Variants in ITGA11 observed in about 807,000 individuals in gnomAD.
The protein encoded by ITGA11 is integrin subunit alpha 11, also known as integrin alpha-11.
In ITGA11, 97 loss-of-function variants were observed where a neutral mutation model predicts 141.9. The ratio of observed to expected loss-of-function variants is 0.68; its 90% CI spans 0.58 to 0.81. ITGA11 has a LOEUF of 0.81. ITGA11 is among the 30% of genes least tolerant of loss of function. The pLI, the probability that ITGA11 is intolerant of heterozygous loss-of-function variation, is 0.00. For missense variants in ITGA11, 1,387 were observed against 1,559.2 expected (o/e 0.89, Z 1.86); for synonymous variants, 658 against 624.6 (o/e 1.05, Z -0.80).
In ITGA11 at chr15:68,325,898, G is replaced by A. The variant is rs889708146; in HGVS notation, c.2212-657C>T. Among the ~76,000 whole-genome samples, 1 of 152,216 alleles carries A rather than the reference G, an allele frequency of 6.6e-6. No homozygotes were observed. Among genetic ancestry groups the A allele is most frequent in the Non-Finnish European group, 1.5e-5 (1 of 68,036 alleles). On this transcript the variant is annotated intron_variant, in intron 17 of 29. Coordinates refer to ENST00000315757, the MANE Select transcript of ITGA11 (RefSeq NM_001004439.2). This position sits in a 1 kb window ranked among gnomAD's most constrained non-coding sequence, Gnocchi z 5.5. ...ACCTGAGCTGGCACCAGAGTCCCCT[G>A]GGAGCTTGTTAAAACACAGGGTGCT...
At chr15:68,331,461 G>A (rs1458153324) in intron 14 of ITGA11, among the ~76,000 whole-genome samples, 2 of 152,024 alleles carry the variant, frequency 1.3e-5, no homozygotes, top group East Asian at 1.9e-4. Context: ...GACGGGACCC[G>A]AGACGGGTTG....
chr15:68,418,890 G>A (rs540597034), intron 1 of ITGA11, among the ~76,000 whole-genome samples: 6 of 151,966 alleles, frequency 3.9e-5, no homozygotes, highest in African/African-American at 1.4e-4. Context: ...GAGAGTGTTT[G>A]GGCAAAATAA....
chr15:68,378,465 C>A (rs1348934265), intron 2 of ITGA11, among the ~76,000 whole-genome samples: 1 of 151,978 alleles, frequency 6.6e-6, no homozygotes. Flanking sequence ...GGCAACATAG[C>A]AAGACCCCAT....
Position 68,300,591 on chromosome 15 carries a change from C to T in ITGA11, c.*2468G>A, listed in dbSNP as rs568599132. On this transcript the variant is annotated 3_prime_UTR_variant, in exon 30 of 30. Transcript: ENST00000315757. ...AGGCTCATCTTGGGTATTTATACTTCAGGGTAAATAGATTCAGAAAGGGAA... is the reference window on the plus strand; with the variant it reads ...AGGCTCATCTTGGGTATTTATACTTTAGGGTAAATAGATTCAGAAAGGGAA... The T allele has an allele frequency of 6.6e-6, 1 of 152,326 alleles. No homozygotes were observed. Among genetic ancestry groups the T allele is most frequent in the South Asian group, 2.1e-4 (1 of 4,824 alleles). The allele number at this position is 152,326 out of a possible 1,614,324, so 9.4% of individuals were successfully genotyped here.
chr15:68,315,404 G>C (rs1893537771), intron 22 of ITGA11, among the ~76,000 whole-genome samples: 1 of 152,200 alleles, frequency 6.6e-6, no homozygotes, highest in African/African-American at 2.4e-5. Context: ...AAAAGTAAAG[G>C]GCTGACATTA....
intron 1 of ITGA11, among the ~76,000 whole-genome samples, chr15:68,405,516 G>A (rs999034844): frequency 2.0e-5 from 3 of 152,104 alleles, no homozygotes; most frequent in African/African-American, 7.2e-5. Context: ...TGGGGGTTGG[G>A]GAAGAAGAGT....
intron 2 of ITGA11, among the ~76,000 whole-genome samples, chr15:68,374,746 C>G (rs962201080): frequency 3.9e-5 from 6 of 152,188 alleles, no homozygotes; most frequent in Admixed American, 3.9e-4. Flanking sequence ...GATCCTGAGA[C>G]CAGAGGCTGG....
At chr15:68,425,432 A>G (rs891284541) in intron 1 of ITGA11, among the ~76,000 whole-genome samples, 1 of 152,226 alleles carries the variant, frequency 6.6e-6, no homozygotes, top group East Asian at 1.9e-4. Flanking sequence ...CCCTGTCTAC[A>G]AACTATTGAT....
chr15:68,357,177 C>T lies in ITGA11; in HGVS notation c.723G>A (p.Arg241=). Residue 241 remains arginine (R), a synonymous_variant, in exon 7 of 30, where the codon CGG becomes CGA. Coordinates refer to ENST00000315757, the MANE Select transcript of ITGA11 (RefSeq NM_001004439.2). ...HIEQRGGTET[R]TAFGIEFARS... ...GTGCAAATTCAATGCCAAATGCCGTCCGGGTCTCTGTTCCTCCTCTCTGCT... is the reference window on the plus strand; with the variant it reads ...GTGCAAATTCAATGCCAAATGCCGTTCGGGTCTCTGTTCCTCCTCTCTGCT... The T allele has an allele frequency of 6.2e-7, 1 of 1,613,694 alleles. No homozygotes were observed. Among genetic ancestry groups the T allele is most frequent in the East Asian group, 2.2e-5 (1 of 44,870 alleles).
At chr15:68,336,267 G>C (rs1348226695) in intron 11 of ITGA11, among the ~76,000 whole-genome samples, 1 of 152,080 alleles carries the variant, frequency 6.6e-6, no homozygotes, top group East Asian at 1.9e-4. Context: ...CACTCTTGGA[G>C]ACTAACCAGG....
intron 1 of ITGA11, among the ~76,000 whole-genome samples, chr15:68,429,903 C>T (rs1231317024): frequency 6.6e-6 from 1 of 152,190 alleles, no homozygotes; most frequent in Non-Finnish European, 1.5e-5. Context: ...GCCTTCCTTG[C>T]TTATCTGGCT....
chr15:68,311,717 G>T (rs1162184208), intron 24 of ITGA11, among the ~76,000 whole-genome samples: 1 of 152,190 alleles, frequency 6.6e-6, no homozygotes, highest in Non-Finnish European at 1.5e-5. Context: ...CTGGGGTGGG[G>T]ATTTTGTTGA....
At chr15:68,385,279 T>C (rs1227387053) in intron 2 of ITGA11, among the ~76,000 whole-genome samples, 2 of 152,250 alleles carry the variant, frequency 1.3e-5, no homozygotes, top group African/African-American at 4.8e-5. Flanking sequence ...ATGCCTTTGC[T>C]GCCTCTGCTG....
chr15:68,311,433 C>T (rs564886022), intron 24 of ITGA11, 30 bp from the exon 25 acceptor site: 3 of 1,473,142 alleles, frequency 2.0e-6, no homozygotes. Flanking sequence ...GGTGTCAGTA[C>T]AGTCAGTTGA....
chr15:68,394,696 TA>T (rs1220536369), intron 2 of ITGA11, among the ~76,000 whole-genome samples: 1 of 151,466 alleles, frequency 6.6e-6, no homozygotes, highest in African/African-American at 2.4e-5. Context: ...GCAAGACTGA[TA>T]AAAAATAAGA....
rs889832556 is a variant in ITGA11, at chr15:68,303,378, C to T, written c.3496-248G>A. Among the ~76,000 whole-genome samples, 3 of 152,202 alleles carry T rather than the reference C, an allele frequency of 2.0e-5. No individual in the cohort carries two copies. The highest frequency in any genetic ancestry group is 6.5e-5 in the Admixed American group (1 of 15,288). ...CTGTGTGACCAGCCCCAGCCAACAT[C>T]CCTCTCTGGGCCTCCTTCATCTGTA... On this transcript the variant is annotated intron_variant, in intron 29 of 29. Transcript: ENST00000315757. This position sits in a 1 kb window ranked among gnomAD's most constrained non-coding sequence, Gnocchi z 5.3.
Position 68,432,074 on chromosome 15 carries a change from G to A in ITGA11, c.-8C>T, listed in dbSNP as rs2140451552. 2.9e-6 allele frequency: 4 copies of A among 1,368,898 alleles called. No individual in the cohort carries two copies. The highest frequency in any genetic ancestry group is 2.0e-5 in the South Asian group (1 of 49,788). The allele number at this position is 1,368,898 out of a possible 1,614,324, so 84.8% of individuals were successfully genotyped here. The stretch of plus-strand genomic sequence containing the variant: ...GCCCCTGGGCAGGTCCATGGCCCGC[G>A]GCACGGCGGCTGGGTCCGGTGTGCA... On this transcript the variant is annotated 5_prime_UTR_variant, in exon 1 of 30. Transcript: ENST00000315757.
rs1485925620 is a variant in ITGA11 at position 68,335,789 on chromosome 15, C to T, written c.1333G>A (p.Ala445Thr). 3 of 1,613,504 alleles carry T rather than the reference C, an allele frequency of 1.9e-6. No homozygotes were observed. Among genetic ancestry groups the T allele is most frequent in the Admixed American group, 3.3e-5 (2 of 59,980 alleles). ...TTGCCCGTGTGGTTGAACCGGGGGG[C>T]TCCGGCCACGTACACCCGCCCCTGC... Reference protein sequence around the residue: ...SRQGRVYVAGAPRFNHTGKVI... With the variant: ...SRQGRVYVAGTPRFNHTGKVI... Residue 445 changes from alanine (A) to threonine (T), a missense_variant, in exon 12 of 30, where the codon GCC becomes ACC. Coordinates refer to ENST00000315757, the MANE Select transcript of ITGA11 (RefSeq NM_001004439.2). The surrounding 1 kb of genome is among the most constrained non-coding windows in gnomAD (Gnocchi z 4.9).
At chr15:68,359,466 C>T (rs1268042460) in intron 5 of ITGA11, among the ~76,000 whole-genome samples, 3 of 152,018 alleles carry the variant, frequency 2.0e-5, no homozygotes, top group Non-Finnish European at 2.9e-5. Context: ...GCCAACATGG[C>T]GAAACCCCGT....
Sources: allele counts gnomAD v4.1 joint callset (sites outside exome capture counted in the v4.1 genomes callset), GRCh38; gene constraint gnomAD v4.1.1; non-coding constraint Gnocchi (gnomAD v3.1); transcripts MANE v1.5; gene names NCBI Gene and HGNC (gene_info 2026-07-23, HGNC 2026-07-21).